SNX29: variants seen among roughly 807,000 people sequenced by gnomAD.
The protein encoded by SNX29 is sorting nexin-29.
Under a neutral mutation model 102.1 loss-of-function variants are expected in SNX29, and 78 were observed. That is an observed-to-expected ratio of 0.76 (90% CI 0.64 to 0.92). SNX29 has a LOEUF of 0.92. SNX29 is among the 40% of genes least tolerant of loss of function. The pLI is 0.00. For synonymous variants in SNX29, 580 were observed against 414.5 expected (o/e 1.40, Z -4.85); for missense variants, 1,280 against 1,061.7 (o/e 1.21, Z -2.86).
Position 12,553,550 on chromosome 16 carries a change from G to C in SNX29, c.2319-14956G>C, listed in dbSNP as rs541420398. On this transcript the variant is annotated intron_variant, in intron 20 of 20. Transcript: ENST00000566228. ...GAGGGACCCCACAGAGCACTGCAGG[G>C]AGCTAAGCAGGAGCTGTGGGCTCTG... 6.2e-4 allele frequency among the ~76,000 whole-genome samples: 95 copies of C among 152,198 alleles called. 1 individual carries two copies. The highest frequency in any genetic ancestry group is 2.2e-3 in the African/African-American group (90 of 41,524).
chr16:12,554,079 G>A (rs1265636689), intron 20 of SNX29, among the ~76,000 whole-genome samples: 2 of 152,150 alleles, frequency 1.3e-5, no homozygotes, highest in African/African-American at 2.4e-5. Context: ...TCTCACCTTG[G>A]CCTCCCAAAA....
chr16:12,432,736 G>C (rs1441095588), intron 18 of SNX29, among the ~76,000 whole-genome samples: 1 of 152,204 alleles, frequency 6.6e-6, no homozygotes, highest in African/African-American at 2.4e-5. Flanking sequence ...TTATGTGGGA[G>C]GGAAAAAAAG....
intron 18 of SNX29, among the ~76,000 whole-genome samples, chr16:12,432,165 C>T (rs910350997): frequency 2.0e-5 from 3 of 152,216 alleles, no homozygotes; most frequent in Non-Finnish European, 2.9e-5. Context: ...CTTCATTTTT[C>T]TTCATTGATT....
intron 13 of SNX29, among the ~76,000 whole-genome samples, chr16:12,147,145 G>A (rs1490395361): frequency 1.3e-5 from 2 of 152,254 alleles, no homozygotes; most frequent in Admixed American, 6.5e-5. Flanking sequence ...GCGTGCCCGC[G>A]TTGAATGGTT....
At chr16:12,442,666 G>T (rs11859369) in intron 18 of SNX29, among the ~76,000 whole-genome samples, 1 of 151,438 alleles carries the variant, frequency 6.6e-6, no homozygotes, top group African/African-American at 2.4e-5. Context: ...TCATGGCTCA[G>T]TGTAGCTGCT....
chr16:12,244,147 G>T (rs1416461865), intron 14 of SNX29, among the ~76,000 whole-genome samples: 1 of 152,098 alleles, frequency 6.6e-6, no homozygotes, highest in Non-Finnish European at 1.5e-5. Flanking sequence ...TGGAGCTCAG[G>T]CGGTGATGCT....
At position 12,495,113 on chromosome 16, in the gene SNX29, C is replaced by T. The variant is rs143019876; in HGVS notation, c.2178+17254C>T. Among the ~76,000 whole-genome samples, 893 of 152,332 alleles carry T rather than the reference C, an allele frequency of 5.9e-3. 2 individuals carry two copies. The highest frequency in any genetic ancestry group is 0.013 in the South Asian group (63 of 4,822). On this transcript the variant is annotated intron_variant, in intron 19 of 20. Coordinates refer to ENST00000566228, the MANE Select transcript of SNX29 (RefSeq NM_032167.5). ...TTAGGATACTCCATCCCTCACCCTT[C>T]CTGGTTTTCTCCTCTGGCAGGTCTC... is the stretch of plus-strand genomic sequence containing the variant.
At chr16:12,012,471 C>T in intron 3 of SNX29, among the ~76,000 whole-genome samples, 1 of 152,076 alleles carries the variant, frequency 6.6e-6, no homozygotes, top group East Asian at 1.9e-4. Context: ...TACAGTGGTG[C>T]AGTCTTGGCT....
At position 12,220,514 on chromosome 16, in the gene SNX29, G is replaced by A. The variant is rs149804083; in HGVS notation, c.1678+20831G>A. On this transcript the variant is annotated intron_variant, in intron 14 of 20. Coordinates refer to ENST00000566228, the MANE Select transcript of SNX29 (RefSeq NM_032167.5). ...TGTGATTTTATCCTCAGGCTAGGGG[G>A]ACCTGGTGAAAAATGGAAAGAGTGA... Among the ~76,000 whole-genome samples the A allele has an allele frequency of 3.3e-3, 502 of 152,218 alleles. 2 individuals carry two copies. Among genetic ancestry groups the A allele is most frequent in the South Asian group, 6.0e-3 (29 of 4,806 alleles).
rs750730557 is a variant in SNX29, at chr16:12,282,899, C to T, written c.1782+4863C>T. Among the ~76,000 whole-genome samples the T allele has an allele frequency of 6.6e-4, 101 of 152,270 alleles. 1 individual carries two copies. Among genetic ancestry groups the T allele is most frequent in the Non-Finnish European group, 5.3e-4 (36 of 68,030 alleles). ...CTCGAACACCTAACCTTAGGTGATC[C>T]GCCTGCCTTGGCCTCTCAAAGTGCT... On this transcript the variant is annotated intron_variant, in intron 15 of 20. Transcript: ENST00000566228.
intron 20 of SNX29, among the ~76,000 whole-genome samples, chr16:12,532,236 T>G (rs771519364): frequency 2.0e-5 from 3 of 152,234 alleles, no homozygotes; most frequent in Non-Finnish European, 2.9e-5. Flanking sequence ...GTGTACTTTC[T>G]GTGAGTGGCA....
intron 3 of SNX29, among the ~76,000 whole-genome samples, chr16:12,013,138 G>A (rs1415772908): frequency 6.6e-6 from 1 of 151,564 alleles, no homozygotes; most frequent in Admixed American, 6.6e-5. Flanking sequence ...ATGAGATTCA[G>A]TGATTACCCA....
intron 3 of SNX29, among the ~76,000 whole-genome samples, chr16:12,019,497 G>A (rs146091915): frequency 0.013 from 1,966 of 151,752 alleles, 32 homozygotes; most frequent in African/African-American, 0.045. Flanking sequence ...GAGCCACCGC[G>A]CCTGGCAACT....
At chr16:12,166,704 C>T (rs760056365) in intron 13 of SNX29, among the ~76,000 whole-genome samples, 28 of 152,234 alleles carry the variant, frequency 1.8e-4, no homozygotes, top group Non-Finnish European at 3.4e-4. Flanking sequence ...TTAGAGGCCC[C>T]GTATTTATTT....
intron 3 of SNX29, among the ~76,000 whole-genome samples, chr16:12,022,573 A>G (rs1318748676): frequency 6.6e-6 from 1 of 152,128 alleles, no homozygotes; most frequent in Non-Finnish European, 1.5e-5. Context: ...GAGCATTTCC[A>G]TTATCCCCCC....
chr16:12,412,701 A>C (rs1380636711), intron 18 of SNX29, among the ~76,000 whole-genome samples: 4 of 152,260 alleles, frequency 2.6e-5, no homozygotes, highest in African/African-American at 9.6e-5. Context: ...TGAAAGGTAC[A>C]TTCAGAATTA....
chr16:12,402,475 T>C (rs1359933710), intron 17 of SNX29, among the ~76,000 whole-genome samples: 1 of 152,228 alleles, frequency 6.6e-6, no homozygotes, highest in African/African-American at 2.4e-5. Flanking sequence ...GCCGGGACCT[T>C]ACAGCCCTTC....
chr16:11,994,235 A>G (rs968755405), intron 1 of SNX29, among the ~76,000 whole-genome samples: 3 of 152,224 alleles, frequency 2.0e-5, no homozygotes, highest in African/African-American at 7.2e-5. Context: ...TGCATTTCTC[A>G]GACAGGTTTG....
At chr16:12,391,540 A>G (rs2151469790) in intron 16 of SNX29, among the ~76,000 whole-genome samples, 1 of 152,344 alleles carries the variant, frequency 6.6e-6, no homozygotes, top group Admixed American at 6.5e-5. Flanking sequence ...CAGTGAACAC[A>G]TGTATACCTA....
Sources: gnomAD v4.1 joint callset for allele counts (sites outside exome capture counted in the v4.1 genomes callset) on GRCh38, gnomAD v4.1.1 for gene constraint, MANE v1.5 for transcripts, NCBI Gene and HGNC (gene_info 2026-07-23, HGNC 2026-07-21) for gene names.